The following PTPRN2 variants were observed in gnomAD, a reference collection of about 807,000 sequenced individuals.
PTPRN2 encodes the protein receptor-type tyrosine-protein phosphatase N2.
Under a neutral mutation model 118.8 loss-of-function variants are expected in PTPRN2, and 74 were observed. The observed-to-expected ratio is 0.62, with a 90% CI of 0.52 to 0.76. PTPRN2 has a LOEUF of 0.76. Ranked by LOEUF, PTPRN2 falls within the 30% of genes least tolerant of loss-of-function variation. The pLI, the probability that PTPRN2 is intolerant of heterozygous loss-of-function variation, is 0.00. For synonymous variants in PTPRN2, 641 were observed against 608.0 expected, an observed-to-expected ratio of 1.05 and a Z score of -0.80; for missense variants, 1,481 against 1,394.4, an observed-to-expected ratio of 1.06 and a Z score of -0.99.
At chr7:158,119,363 A>G (rs1346877611) in intron 9 of PTPRN2, among the ~76,000 whole-genome samples, 2 of 152,218 alleles carry the variant, frequency 1.3e-5, no homozygotes, top group African/African-American at 2.4e-5. Context: ...GTAAGAAGAA[A>G]AAAACCCAGA....
intron 2 of PTPRN2, among the ~76,000 whole-genome samples, chr7:158,395,913 A>C (rs1362392701): frequency 6.6e-6 from 1 of 152,026 alleles, no homozygotes; most frequent in African/African-American, 2.4e-5. Flanking sequence ...CGGAGCCTGC[A>C]GCAGGTGAGG....
At chr7:158,308,797 C>G (rs1467758792) in intron 3 of PTPRN2, among the ~76,000 whole-genome samples, 1 of 152,082 alleles carries the variant, frequency 6.6e-6, no homozygotes, top group Non-Finnish European at 1.5e-5. Context: ...GACATTATTA[C>G]TGATCTTACA....
chr7:157,934,392 A>G (rs1563252205), intron 11 of PTPRN2, among the ~76,000 whole-genome samples: 1 of 152,240 alleles, frequency 6.6e-6, no homozygotes, highest in Non-Finnish European at 1.5e-5. Flanking sequence ...AAGTGTGGGC[A>G]ACTTATCTTT....
chr7:158,249,474 C>T (rs534090095), intron 3 of PTPRN2, among the ~76,000 whole-genome samples: 1 of 150,772 alleles, frequency 6.6e-6, no homozygotes, highest in African/African-American at 2.4e-5. Context: ...CACATATCTA[C>T]CACACCTGCA....
intron 14 of PTPRN2, among the ~76,000 whole-genome samples, chr7:157,638,074 T>C (rs1222564832): frequency 2.6e-5 from 4 of 152,220 alleles, no homozygotes; most frequent in African/African-American, 9.6e-5. Flanking sequence ...CCACAGGCTA[T>C]ATGCACATGA....
intron 12 of PTPRN2, among the ~76,000 whole-genome samples, chr7:157,823,497 G>A (rs1806978945): frequency 6.6e-6 from 1 of 152,192 alleles, no homozygotes; most frequent in African/African-American, 2.4e-5. Flanking sequence ...AAAACAGCTG[G>A]ACTCCATCTA....
chr7:157,950,367 C>G (rs893234429), intron 11 of PTPRN2, among the ~76,000 whole-genome samples: 23 of 152,166 alleles, frequency 1.5e-4, no homozygotes, highest in African/African-American at 5.6e-4. Context: ...CTAAAATGTT[C>G]AGATGCATAA....
intron 15 of PTPRN2, chr7:157,614,058 G>A: frequency 2.1e-6 from 1 of 471,456 alleles, no homozygotes; most frequent in Non-Finnish European, 4.4e-6. Flanking sequence ...TCTGCAGCAG[G>A]ACTGCTCAAC....
intron 1 of PTPRN2, among the ~76,000 whole-genome samples, chr7:158,508,564 AG>A (rs1822941097): frequency 6.6e-6 from 1 of 151,818 alleles, no homozygotes; most frequent in Admixed American, 6.6e-5. Context: ...GGAGCTGGAG[AG>A]GAGCAGGTGC....
rs893695307 is a variant in PTPRN2 at position 158,529,899 on chromosome 7, C to T, written c.113-40114G>A. On this transcript the variant is annotated intron_variant, in intron 1 of 22. Transcript: ENST00000389418. The surrounding 1 kb of genome is among the most constrained non-coding windows in gnomAD (Gnocchi z 4.7). ...ACATATGCACACCACACACGTGCCA[C>T]ACACAGCACACATATGCACGCTACC... Among the ~76,000 whole-genome samples, 1 of 152,160 alleles carries T rather than the reference C, an allele frequency of 6.6e-6. No individual in the cohort carries two copies. The highest frequency in any genetic ancestry group is 1.5e-5 in the Non-Finnish European group (1 of 68,024).
rs1804142185 is a variant in PTPRN2, at chr7:157,787,530, G to A, written c.1789-104593C>T. On this transcript the variant is annotated intron_variant, in intron 12 of 22. Transcript: ENST00000389418. The surrounding 1 kb of genome is among the most constrained non-coding windows in gnomAD (Gnocchi z 5.3). ...GTCTAGGGGGCCAGGAGAGCCCCTGGGCCTCACGTCCTGCTTCTCTCCTTG... is the reference window on the plus strand; with the variant it reads ...GTCTAGGGGGCCAGGAGAGCCCCTGAGCCTCACGTCCTGCTTCTCTCCTTG... Among the ~76,000 whole-genome samples, 1 of 152,164 alleles carries A rather than the reference G, an allele frequency of 6.6e-6. No homozygotes were observed. Among genetic ancestry groups the A allele is most frequent in the African/African-American group, 2.4e-5 (1 of 41,442 alleles).
At chr7:158,282,889 G>A (rs1799522339) in intron 3 of PTPRN2, among the ~76,000 whole-genome samples, 1 of 151,112 alleles carries the variant, frequency 6.6e-6, no homozygotes, top group Admixed American at 6.6e-5. Context: ...GGACACAGAG[G>A]GCTCATCCCT....
In PTPRN2 at chr7:157,977,997, C is replaced by G. The variant is rs1461973520; in HGVS notation, c.1724-79260G>C. On this transcript the variant is annotated intron_variant, in intron 11 of 22. Transcript: ENST00000389418. This position sits in a 1 kb window ranked among gnomAD's most constrained non-coding sequence, Gnocchi z 4.6. Reference sequence around the variant, plus strand: ...TAGGCCCACAACAGATCCTGAACTCCCTGTACGTCGCATGCACATCTACAG... The same window carrying G: ...TAGGCCCACAACAGATCCTGAACTCGCTGTACGTCGCATGCACATCTACAG... Among the ~76,000 whole-genome samples the G allele has an allele frequency of 6.6e-6, 1 of 151,896 alleles. No individual in the cohort carries two copies. Among genetic ancestry groups the G allele is most frequent in the East Asian group, 1.9e-4 (1 of 5,192 alleles).
At chr7:158,446,829 A>T (rs954470761) in intron 2 of PTPRN2, among the ~76,000 whole-genome samples, 3 of 152,216 alleles carry the variant, frequency 2.0e-5, no homozygotes, top group African/African-American at 7.2e-5. Flanking sequence ...CCACCTGTCC[A>T]GGGCACCCAT....
intron 22 of PTPRN2, among the ~76,000 whole-genome samples, chr7:157,546,647 A>G (rs1037642184): frequency 6.6e-6 from 1 of 152,170 alleles, no homozygotes; most frequent in African/African-American, 2.4e-5. Context: ...CATGGTGTAT[A>G]TGTGCCACAT....
At chr7:158,240,556 G>C (rs1795849903) in intron 3 of PTPRN2, among the ~76,000 whole-genome samples, 1 of 152,180 alleles carries the variant, frequency 6.6e-6, no homozygotes, top group African/African-American at 2.4e-5. Flanking sequence ...GGCCTCCCAA[G>C]TAGATGGGAT....
In PTPRN2 at chr7:157,813,004, T is replaced by C. The variant is rs1316752455; in HGVS notation, c.1788+85669A>G. ...CCCTAATTTCACCCGGACCACAGCC[T>C]CTGGATGAGCTTCTGTTAAAAAGAG... On this transcript the variant is annotated intron_variant, in intron 12 of 22. Transcript: ENST00000389418. This position sits in a 1 kb window ranked among gnomAD's most constrained non-coding sequence, Gnocchi z 4.7. 6.6e-6 allele frequency among the ~76,000 whole-genome samples: 1 copy of C among 152,078 alleles called. No homozygotes were observed. The highest frequency in any genetic ancestry group is 1.5e-5 in the Non-Finnish European group (1 of 68,026).
intron 11 of PTPRN2, among the ~76,000 whole-genome samples, chr7:158,026,993 C>G (rs1278186753): frequency 2.0e-5 from 3 of 152,258 alleles, no homozygotes; most frequent in African/African-American, 7.2e-5. Context: ...ACACTCGACC[C>G]TTTTGGCCCA....
intron 3 of PTPRN2, among the ~76,000 whole-genome samples, chr7:158,211,681 G>A (rs945048549): frequency 1.3e-5 from 2 of 152,150 alleles, no homozygotes; most frequent in East Asian, 3.9e-4. Context: ...ATCTCACCCA[G>A]TTCAAATGGC....
Sources: allele counts gnomAD v4.1 joint callset (sites outside exome capture counted in the v4.1 genomes callset), GRCh38; gene constraint gnomAD v4.1.1; non-coding constraint Gnocchi (gnomAD v3.1); transcripts MANE v1.5; gene names NCBI Gene and HGNC (gene_info 2026-07-23, HGNC 2026-07-21).